The following DLG2 variants were observed in gnomAD, a reference collection of about 807,000 sequenced individuals.
The protein encoded by DLG2 is disks large homolog 2.
In DLG2, 45 loss-of-function variants were observed where a neutral mutation model predicts 132.5. The observed-to-expected ratio is 0.34, with a 90% CI of 0.27 to 0.44. The LOEUF is 0.44. Ranked by LOEUF, DLG2 falls within the 20% of genes least tolerant of loss-of-function variation. DLG2 has a pLI of 1.00. For missense variants in DLG2, 1,045 were observed against 1,196.9 expected (o/e 0.87, Z 1.87); for synonymous variants, 424 against 419.6 (o/e 1.01, Z -0.13).
At chr11:83,850,348 T>C (rs879711826) in intron 16 of DLG2, among the ~76,000 whole-genome samples, 2 of 151,982 alleles carry the variant, frequency 1.3e-5, no homozygotes, top group Non-Finnish European at 2.9e-5. Context: ...AGAGATGGGG[T>C]TTCACCGTGT....
At chr11:85,075,400 A>T (rs533550863) in intron 6 of DLG2, among the ~76,000 whole-genome samples, 16 of 151,988 alleles carry the variant, frequency 1.1e-4, no homozygotes, top group South Asian at 8.3e-4. Context: ...CTTAGAAGCA[A>T]TCTAAATATT....
chr11:83,766,954 A>G (rs2094170397), intron 18 of DLG2, among the ~76,000 whole-genome samples: 1 of 152,290 alleles, frequency 6.6e-6, no homozygotes, highest in Non-Finnish European at 1.5e-5. Context: ...TGCCCTGTAT[A>G]GTCTTTCTCG....
Position 83,532,734 on chromosome 11 carries a change from TGG to T in DLG2, c.2165_2166del (p.Ala722GlufsTer6), listed in dbSNP as rs758611128. On this transcript the variant is annotated frameshift_variant, in exon 21 of 28. Coordinates refer to ENST00000376104, the MANE Select transcript of DLG2 (RefSeq NM_001142699.3). LOFTEE classifies it high-confidence loss of function. ...CCTTTCGAATCAATCACTCCAGGTT[TGG>T]CATTAAACTTCACTGTCTTCAATCG... ...RARLKTVKFN[A>X]KPGVIDSKGS... 1.6e-5 allele frequency: 26 copies of T among 1,613,242 alleles called. No homozygotes were observed. Among genetic ancestry groups the T allele is most frequent in the Non-Finnish European group, 2.2e-5 (26 of 1,179,516 alleles).
At chr11:83,482,770 G>A (rs17461216) in intron 22 of DLG2, among the ~76,000 whole-genome samples, 28,923 of 152,074 alleles carry the variant, frequency 0.19, 2,937 homozygotes, top group Middle Eastern at 0.21. Flanking sequence ...TTTTGACTAC[G>A]AAACAGCTCC....
chr11:84,959,477 T>C (rs1397614189), intron 6 of DLG2, among the ~76,000 whole-genome samples: 1 of 152,184 alleles, frequency 6.6e-6, no homozygotes, highest in African/African-American at 2.4e-5. Context: ...TATTTACACT[T>C]GTTTGTAATT....
chr11:84,906,143 A>G (rs1016788116), intron 6 of DLG2, among the ~76,000 whole-genome samples: 3 of 151,320 alleles, frequency 2.0e-5, no homozygotes, highest in Non-Finnish European at 4.4e-5. Flanking sequence ...ACACTCTATA[A>G]TTTTTATTTT....
chr11:84,345,155 T>G (rs539422125), intron 7 of DLG2, among the ~76,000 whole-genome samples: 1 of 152,124 alleles, frequency 6.6e-6, no homozygotes, highest in Non-Finnish European at 1.5e-5. Flanking sequence ...AGAAAAGAAA[T>G]GTCAGCCAGA....
chr11:84,773,244 C>G (rs1219021490), intron 6 of DLG2, among the ~76,000 whole-genome samples: 1 of 152,074 alleles, frequency 6.6e-6, no homozygotes, highest in African/African-American at 2.4e-5. Flanking sequence ...AAAATGAAAT[C>G]CTGAACAGAC....
rs545205747 is a variant in DLG2 at position 84,128,991 on chromosome 11, G to A, written c.625-29944C>T. 4.6e-5 allele frequency among the ~76,000 whole-genome samples: 7 copies of A among 152,222 alleles called. 1 individual carries two copies. Among genetic ancestry groups the A allele is most frequent in the Admixed American group, 2.6e-4 (4 of 15,262 alleles). On this transcript the variant is annotated intron_variant, in intron 9 of 27. Transcript: ENST00000376104. The stretch of plus-strand genomic sequence containing the variant: ...CTTTTTATTTCAGCCTAATGATGCT[G>A]AGCCCAGAGAAAGTCATTCAATCTG...
rs567244873 is a variant in DLG2, at chr11:85,080,674, T to A, written c.357+30987A>T. On this transcript the variant is annotated intron_variant, in intron 6 of 27. Coordinates refer to ENST00000376104, the MANE Select transcript of DLG2 (RefSeq NM_001142699.3). ...CTCCTTTCTAGATGAGGTAGGTGTA[T>A]GCAGAGTCAAAACACTGTAACTTAA... Among the ~76,000 whole-genome samples the A allele has an allele frequency of 2.6e-5, 4 of 152,258 alleles. No homozygotes were observed. In the East Asian group the frequency reaches 5.8e-4, roughly 22 times the overall value.
intron 7 of DLG2, among the ~76,000 whole-genome samples, chr11:84,301,651 C>CAAAAAAAAAAA (rs753899806): frequency 7.5e-5 from 2 of 26,606 alleles, no homozygotes; most frequent in Non-Finnish European, 1.5e-4. Flanking sequence ...AGGCGAGACT[C>CAAAAAAAAAAA]AAAAAAAAAA....
intron 15 of DLG2, among the ~76,000 whole-genome samples, chr11:83,926,971 G>A (rs1021844447): frequency 5.9e-5 from 9 of 152,114 alleles, no homozygotes; most frequent in Admixed American, 6.6e-5. Context: ...GATTTATAAT[G>A]TAGACAATCA....
At chr11:85,577,253 T>C (rs905153497) in intron 3 of DLG2, among the ~76,000 whole-genome samples, 2 of 152,104 alleles carry the variant, frequency 1.3e-5, no homozygotes, top group Admixed American at 1.3e-4. Context: ...GTTAAGAGGC[T>C]ACTGCAGTAG....
chr11:83,887,870 G>T (rs2068407409), intron 15 of DLG2, among the ~76,000 whole-genome samples: 2 of 127,344 alleles, frequency 1.6e-5, no homozygotes, highest in Non-Finnish European at 3.4e-5. Context: ...CTCAATAGAT[G>T]CAGAAAAGGC....
intron 4 of DLG2, among the ~76,000 whole-genome samples, chr11:85,184,462 G>A (rs1012902269): frequency 3.8e-4 from 58 of 151,426 alleles, no homozygotes; most frequent in African/African-American, 1.4e-3. Context: ...TAGTTAATAA[G>A]CAAACCAGTA....
At chr11:84,139,750 A>C (rs900386493) in intron 9 of DLG2, among the ~76,000 whole-genome samples, 1 of 152,094 alleles carries the variant, frequency 6.6e-6, no homozygotes, top group Non-Finnish European at 1.5e-5. Context: ...CACTCGAAAC[A>C]CTTTGCTGTA....
intron 18 of DLG2, among the ~76,000 whole-genome samples, chr11:83,679,774 T>G (rs1174454796): frequency 1.3e-5 from 2 of 152,216 alleles, no homozygotes; most frequent in African/African-American, 4.8e-5. Context: ...ATCATCAATT[T>G]GGTTTAATTC....
intron 6 of DLG2, among the ~76,000 whole-genome samples, chr11:84,602,707 G>T (rs2099578815): frequency 6.6e-6 from 1 of 151,972 alleles, no homozygotes. Context: ...TGGGGCTCTG[G>T]AATATTCTCA....
intron 6 of DLG2, among the ~76,000 whole-genome samples, chr11:85,108,937 G>C (rs536432796): frequency 6.6e-6 from 1 of 152,176 alleles, no homozygotes; most frequent in South Asian, 2.1e-4. Context: ...CAGATACAAA[G>C]CAGCTTTAGA....
Sources: allele counts gnomAD v4.1 joint callset (sites outside exome capture counted in the v4.1 genomes callset), GRCh38; gene constraint gnomAD v4.1.1; transcripts MANE v1.5; gene names NCBI Gene and HGNC (gene_info 2026-07-23, HGNC 2026-07-21).